Variants in ROBO2 observed in about 807,000 individuals in gnomAD.
ROBO2 encodes the protein roundabout homolog 2.
ROBO2 carries 53 observed loss-of-function variants against 160.8 expected under a neutral mutation model. That is an observed-to-expected ratio of 0.33 (90% CI 0.26 to 0.41). The LOEUF (loss-of-function observed/expected upper bound fraction) is 0.41, where lower values mean the gene tolerates loss of function less well. Among genes scored for constraint, ROBO2 ranks in the 10% least tolerant of loss-of-function variants. ROBO2 has a pLI of 1.00. For missense variants in ROBO2, 1,577 were observed against 1,722.4 expected, an observed-to-expected ratio of 0.92 and a Z score of 1.49; for synonymous variants, 664 against 611.7, an observed-to-expected ratio of 1.09 and a Z score of -1.26.
At chr3:76,952,754 A>G (rs2079034092) in intron 2 of ROBO2, among the ~76,000 whole-genome samples, 1 of 152,188 alleles carries the variant, frequency 6.6e-6, no homozygotes, top group South Asian at 2.1e-4. Context: ...TAATGATACA[A>G]TTCATACACT....
chr3:76,945,278 TATTA>T (rs1050919826), intron 2 of ROBO2, among the ~76,000 whole-genome samples: 3 of 152,132 alleles, frequency 2.0e-5, no homozygotes, highest in Admixed American at 1.3e-4. Context: ...GAATGTTAAT[TATTA>T]ATTTTATTAT....
At chr3:76,865,519 C>A (rs138412929) in intron 2 of ROBO2, among the ~76,000 whole-genome samples, 1 of 152,068 alleles carries the variant, frequency 6.6e-6, no homozygotes, top group African/African-American at 2.4e-5. Flanking sequence ...GTGCAGAAGA[C>A]ATTCTGGTTC....
At chr3:77,111,295 A>C (rs944311009) in intron 2 of ROBO2, among the ~76,000 whole-genome samples, 1 of 152,136 alleles carries the variant, frequency 6.6e-6, no homozygotes, top group African/African-American at 2.4e-5. Flanking sequence ...AAGTATACAC[A>C]GGAAGTATGT....
chr3:76,928,794 TG>T (rs1216139517), intron 2 of ROBO2, among the ~76,000 whole-genome samples: 1 of 152,240 alleles, frequency 6.6e-6, no homozygotes, highest in Admixed American at 6.5e-5. Context: ...TGAGACTTTC[TG>T]TCTTTTCATT....
At chr3:76,177,971 A>G (rs1003640092) in intron 2 of ROBO2, among the ~76,000 whole-genome samples, 11 of 152,132 alleles carry the variant, frequency 7.2e-5, no homozygotes, top group African/African-American at 2.4e-4. Flanking sequence ...GTCTAAAGGT[A>G]TGACTTTGAG....
intron 2 of ROBO2, among the ~76,000 whole-genome samples, chr3:76,929,962 T>C (rs1309044888): frequency 6.6e-6 from 1 of 152,232 alleles, no homozygotes; most frequent in Non-Finnish European, 1.5e-5. Context: ...ACTGGCTATT[T>C]ACTGTTCTTT....
chr3:77,087,889 TA>T (rs2069559257), intron 1 of ROBO2, among the ~76,000 whole-genome samples: 1 of 152,010 alleles, frequency 6.6e-6, no homozygotes, highest in Admixed American at 6.6e-5. Flanking sequence ...TACATAAGAA[TA>T]TATATATTTC....
chr3:76,252,671 T>C (rs1350614468), intron 2 of ROBO2, among the ~76,000 whole-genome samples: 1 of 151,870 alleles, frequency 6.6e-6, no homozygotes, highest in Non-Finnish European at 1.5e-5. Flanking sequence ...GAAGCATATA[T>C]GTATATATAC....
chr3:77,267,942 G>A (rs1205412610), intron 2 of ROBO2, among the ~76,000 whole-genome samples: 3 of 152,078 alleles, frequency 2.0e-5, no homozygotes, highest in African/African-American at 7.2e-5. Context: ...CTACACAACA[G>A]AGCACATTAT....
chr3:76,291,711 G>C (rs539901852), intron 2 of ROBO2, among the ~76,000 whole-genome samples: 1 of 152,132 alleles, frequency 6.6e-6, no homozygotes, highest in African/African-American at 2.4e-5. Context: ...CAGAGATTTT[G>C]ATAATACCTT....
intron 2 of ROBO2, among the ~76,000 whole-genome samples, chr3:76,171,886 A>G (rs1433501353): frequency 6.6e-6 from 1 of 152,146 alleles, no homozygotes; most frequent in Non-Finnish European, 1.5e-5. Flanking sequence ...AACTCAGAAG[A>G]GATGTCTAGT....
intron 2 of ROBO2, among the ~76,000 whole-genome samples, chr3:77,225,542 C>T (rs777092349): frequency 1.9e-4 from 29 of 151,746 alleles, no homozygotes; most frequent in African/African-American, 4.3e-4. Context: ...TACCTGCAGC[C>T]GTGCATTATC....
intron 2 of ROBO2, among the ~76,000 whole-genome samples, chr3:76,635,514 T>A (rs1560277940): frequency 6.6e-6 from 1 of 152,180 alleles, no homozygotes; most frequent in Non-Finnish European, 1.5e-5. Context: ...CTGAGTGCAA[T>A]GTCTGAAAAG....
At chr3:76,793,170 GT>G (rs997606849) in intron 2 of ROBO2, among the ~76,000 whole-genome samples, 7 of 151,544 alleles carry the variant, frequency 4.6e-5, no homozygotes, top group Admixed American at 1.3e-4. Context: ...ATTGAGACTA[GT>G]TTTTTAAATT....
intron 17 of ROBO2, 32 bp from the exon 19 acceptor site, chr3:77,595,110 G>A: frequency 6.3e-7 from 1 of 1,579,368 alleles, no homozygotes; most frequent in Non-Finnish European, 8.7e-7. Context: ...CTACTTGTGT[G>A]TGCATGTCTT....
At chr3:75,961,161 C>G (rs1948896906) in intron 2 of ROBO2, among the ~76,000 whole-genome samples, 1 of 151,564 alleles carries the variant, frequency 6.6e-6, no homozygotes, top group African/African-American at 2.4e-5. Flanking sequence ...TTATTTCTAG[C>G]AAACTACCTA....
chr3:76,398,257 T>C (rs1413307419), intron 2 of ROBO2, among the ~76,000 whole-genome samples: 5 of 145,484 alleles, frequency 3.4e-5, no homozygotes, highest in African/African-American at 1.3e-4. Context: ...TTCTCACTCA[T>C]AGGTGGGAAT....
chr3:77,522,932 G>A, intron 6 of ROBO2, 30 bp downstream of exon 6: 1 of 1,607,118 alleles, frequency 6.2e-7, no homozygotes, highest in Non-Finnish European at 8.5e-7. Flanking sequence ...AAAGATAATT[G>A]AACCAGGAGA....
At chr3:76,161,151 A>G (rs1474931966) in intron 2 of ROBO2, among the ~76,000 whole-genome samples, 1 of 152,026 alleles carries the variant, frequency 6.6e-6, no homozygotes, top group Non-Finnish European at 1.5e-5. Flanking sequence ...GTTACTCCTC[A>G]TCCTTAATCA....
Sources: gnomAD v4.1 joint callset for allele counts (sites outside exome capture counted in the v4.1 genomes callset) on GRCh38, gnomAD v4.1.1 for gene constraint, MANE v1.5 for transcripts, NCBI Gene and HGNC (gene_info 2026-07-23, HGNC 2026-07-21) for gene names.